ACSM5: variants seen among roughly 807,000 people sequenced by gnomAD.
ACSM5 encodes acyl-coenzyme A synthetase ACSM5, mitochondrial.
ACSM5 carries 56 observed loss-of-function variants against 71.6 expected under a neutral mutation model. The ratio of observed to expected loss-of-function variants is 0.78; its 90% confidence interval spans 0.63 to 0.98. The LOEUF is 0.98. ACSM5 is among the 50% of genes least tolerant of loss of function. The pLI is 0.00. For missense variants in ACSM5, 723 were observed against 726.0 expected (o/e 1.00, Z 0.05); for synonymous variants, 285 against 281.5 (o/e 1.01, Z -0.12).
chr16:20,421,656 T>C (rs570141658), intron 5 of ACSM5, among the ~76,000 whole-genome samples: 9,579 of 105,788 alleles, frequency 0.091, 478 homozygotes, highest in Middle Eastern at 0.13. Context: ...TATATATATA[T>C]ACACACACAC....
chr16:20,425,192 C>T (rs1966954175), intron 6 of ACSM5, among the ~76,000 whole-genome samples: 1 of 152,202 alleles, frequency 6.6e-6, no homozygotes, highest in South Asian at 2.1e-4. Context: ...TCTCTATTTC[C>T]ATGAGTTCAA....
intron 12 of ACSM5, among the ~76,000 whole-genome samples, 153 bp from the exon 13 acceptor site, chr16:20,439,647 T>G (rs1248805396): frequency 6.6e-6 from 1 of 151,332 alleles, no homozygotes; most frequent in Non-Finnish European, 1.5e-5. Flanking sequence ...AAAGAAAAAT[T>G]GATGTTGTTT....
chr16:20,437,674 G>A (rs1361468266), intron 12 of ACSM5, among the ~76,000 whole-genome samples: 3 of 146,564 alleles, frequency 2.0e-5, no homozygotes, highest in Non-Finnish European at 4.5e-5. Flanking sequence ...CTAATAAAAA[G>A]TCTTTTCTAT....
Position 20,429,742 on chromosome 16 carries a change from G to C in ACSM5, c.1066G>C (p.Glu356Gln), listed in dbSNP as rs767328161. The C allele has an allele frequency of 1.1e-5, 18 of 1,612,620 alleles. No homozygotes were observed. The highest frequency in any genetic ancestry group is 1.4e-5 in the Non-Finnish European group (17 of 1,179,354). The change falls in exon 8 of 14, where the codon GAG becomes CAG. Residue 356 changes from glutamate to glutamine, a missense_variant. Coordinates refer to ENST00000331849, the MANE Select transcript of ACSM5 (RefSeq NM_017888.3). ...GGEALNPDVR[E>Q]KWKHQTGVEL... is the part of the protein sequence containing the mutation. ...AGAGGCCCTCAACCCTGACGTGAGGGAGAAGTGGAAACACCAGACTGGTGT... is the reference window on the plus strand; with the variant it reads ...AGAGGCCCTCAACCCTGACGTGAGGCAGAAGTGGAAACACCAGACTGGTGT...
At chr16:20,417,022 G>GC (rs1555494155) in intron 2 of ACSM5, among the ~76,000 whole-genome samples, 9 of 45,282 alleles carry the variant, frequency 2.0e-4, no homozygotes, top group Non-Finnish European at 3.2e-4. Flanking sequence ...CAGTGGCATG[G>GC]CAAAAAAAAA....
chr16:20,434,637 T>G (rs1253137040), intron 10 of ACSM5, among the ~76,000 whole-genome samples: 9 of 152,188 alleles, frequency 5.9e-5, no homozygotes, highest in Admixed American at 3.3e-4. Flanking sequence ...GAGGTTGCAG[T>G]GAGCTGAGAT....
At chr16:20,415,445 A>G (rs1966854437) in intron 2 of ACSM5, among the ~76,000 whole-genome samples, 1 of 152,216 alleles carries the variant, frequency 6.6e-6, no homozygotes, top group African/African-American at 2.4e-5. Flanking sequence ...TCTGTGGAGG[A>G]GCCACTTCCC....
intron 9 of ACSM5, 46 bp downstream of exon 9, chr16:20,431,119 GA>G: frequency 6.2e-7 from 1 of 1,605,034 alleles, no homozygotes; most frequent in Non-Finnish European, 8.5e-7. Context: ...ATGGAGAGGA[GA>G]AAGACACACA....
chr16:20,439,820 C>G lies in ACSM5; in HGVS notation c.1557C>G (p.Val519=). The change falls in exon 13 of 14, where the codon GTC becomes GTG. Residue 519 remains valine, a synonymous_variant. Coordinates refer to ENST00000331849, the MANE Select transcript of ACSM5 (RefSeq NM_017888.3). ...IRGEVVKAFI[V]LTPAYSSHDP... is the part of the protein sequence containing the mutation. The stretch of plus-strand genomic sequence containing the variant: ...TGCAGGTGGTAAAGGCATTTATAGT[C>G]CTTACTCCAGCCTACTCCTCTCATG... The G allele has an allele frequency of 6.2e-7, 1 of 1,611,592 alleles. No individual in the cohort carries two copies. Among genetic ancestry groups the G allele is most frequent in the Admixed American group, 1.7e-5 (1 of 59,962 alleles).
In ACSM5 at chr16:20,433,377, G is replaced by C. The variant is rs1295845032; in HGVS notation, c.1308+2056G>C. ...ATGTCAGTTAAATGAATATGCCCGT[G>C]TCAACTGTATATCCCATATAAGGAA... On this transcript the variant is annotated intron_variant, in intron 10 of 13. Transcript: ENST00000331849. Among the ~76,000 whole-genome samples, 7 of 152,254 alleles carry C rather than the reference G, an allele frequency of 4.6e-5. No homozygotes were observed. In the East Asian group the frequency reaches 1.4e-3, roughly 29 times the overall value.
chr16:20,430,817 G>C (rs528181394), intron 8 of ACSM5, among the ~76,000 whole-genome samples, 176 bp from the exon 9 acceptor site: 3 of 149,470 alleles, frequency 2.0e-5, no homozygotes, highest in Admixed American at 1.3e-4. Flanking sequence ...AGAAAAGAAA[G>C]AAGGGAGGAA....
At chr16:20,416,140 T>C (rs1394198162) in intron 2 of ACSM5, among the ~76,000 whole-genome samples, 2 of 152,038 alleles carry the variant, frequency 1.3e-5, no homozygotes, top group African/African-American at 4.8e-5. Context: ...ATTAATATTG[T>C]TAAGATGAAA....
intron 2 of ACSM5, among the ~76,000 whole-genome samples, chr16:20,417,081 C>A (rs1596612131): frequency 6.7e-6 from 1 of 148,408 alleles, no homozygotes; most frequent in East Asian, 2.0e-4. Context: ...AGAATTAGAA[C>A]CCTCAGACAT....
At position 20,424,082 on chromosome 16, in the gene ACSM5, A is replaced by G. The variant is rs749143005; in HGVS notation, c.921+13A>G. The G allele has an allele frequency of 6.2e-7, 1 of 1,613,666 alleles. No individual in the cohort carries two copies. Among genetic ancestry groups the G allele is most frequent in the Non-Finnish European group, 8.5e-7 (1 of 1,179,922 alleles). On this transcript the variant is annotated intron_variant, in intron 6 of 13. Transcript: ENST00000331849. ...AGTTATCCTGAATGTAAGAGGAAAA[A>G]CCAACAATACCCCATATGTGTTGGG...
Position 20,440,448 on chromosome 16 carries a change from C to T in ACSM5, c.*21C>T, listed in dbSNP as rs374237806. The T allele has an allele frequency of 1.9e-6, 3 of 1,596,238 alleles. No individual in the cohort carries two copies. The highest frequency in any genetic ancestry group is 1.7e-4 in the Middle Eastern group (1 of 6,052). On this transcript the variant is annotated 3_prime_UTR_variant, in exon 14 of 14. Transcript: ENST00000331849. ...AATGAGGTGCACCCCAGGAAGGCCC[C>T]GTAGACCTCCGAAGACTCCACAAGA...
At chr16:20,431,721 C>A (rs762334968) in intron 10 of ACSM5, among the ~76,000 whole-genome samples, 4 of 152,044 alleles carry the variant, frequency 2.6e-5, no homozygotes, top group East Asian at 1.9e-4. Context: ...GAGGCCGAGG[C>A]AGGTGGATCA....
chr16:20,432,166 A>G (rs1167943160), intron 10 of ACSM5, among the ~76,000 whole-genome samples: 2 of 152,012 alleles, frequency 1.3e-5, no homozygotes, highest in Admixed American at 6.6e-5. Flanking sequence ...AGCTTTCTCT[A>G]TAAAACTCTC....
At position 20,429,711 on chromosome 16, in the gene ACSM5, C is replaced by T. The variant is rs769064184; in HGVS notation, c.1035C>T (p.Thr345=). The change falls in exon 8 of 14, where the codon ACC becomes ACT. Residue 345 remains threonine (T), a synonymous_variant. Coordinates refer to ENST00000331849, the MANE Select transcript of ACSM5 (RefSeq NM_017888.3). ...YQFQSLRHCL[T]GGEALNPDVR... is the part of the protein sequence containing the mutation. ...TTCAGAGCCTGAGGCACTGTCTGAC[C>T]GGAGGAGAGGCCCTCAACCCTGACG... 46 of 1,613,644 alleles carry T rather than the reference C, an allele frequency of 2.9e-5. No individual in the cohort carries two copies. Among genetic ancestry groups the T allele is most frequent in the South Asian group, 2.7e-4 (25 of 91,042 alleles).
chr16:20,417,023 CAAA>C (rs35498393), intron 2 of ACSM5, among the ~76,000 whole-genome samples: 3 of 130,074 alleles, frequency 2.3e-5, no homozygotes, highest in Non-Finnish European at 4.8e-5. Context: ...AGTGGCATGG[CAAA>C]AAAAAAAAAA....
Sources: gnomAD v4.1 joint callset for allele counts (sites outside exome capture counted in the v4.1 genomes callset) on GRCh38, gnomAD v4.1.1 for gene constraint, MANE v1.5 for transcripts, NCBI Gene and HGNC (gene_info 2026-07-23, HGNC 2026-07-21) for gene names.